The following LRRN3 variants were observed in gnomAD, a reference collection of about 807,000 sequenced individuals.
The protein encoded by LRRN3 is leucine rich repeat neuronal 3, also known as leucine-rich repeat neuronal protein 3.
A neutral mutation model predicts 40.1 loss-of-function variants in LRRN3; 15 were observed. The ratio of observed to expected loss-of-function variants is 0.37; its 90% CI spans 0.25 to 0.58. The LOEUF is 0.58. Ranked by LOEUF, LRRN3 falls within the 20% of genes least tolerant of loss-of-function variation. The pLI, the probability that LRRN3 is intolerant of heterozygous loss-of-function variation, is 0.72. For missense variants in LRRN3, 746 were observed against 837.7 expected, an observed-to-expected ratio of 0.89 and a Z score of 1.35; for synonymous variants, 308 against 297.2, an observed-to-expected ratio of 1.04 and a Z score of -0.37.
Position 111,122,943 on chromosome 7 carries a change from T to C in LRRN3, c.171T>C (p.Asp57=). ...AAGCATCTACAGTGGATTGTAATGATTTAGGTCTTTTAACTTTCCCAGCCA... is the reference window on the plus strand; with the variant it reads ...AAGCATCTACAGTGGATTGTAATGACTTAGGTCTTTTAACTTTCCCAGCCA... ...YMEASTVDCN[D]LGLLTFPARL... The change falls in exon 3 of 3, where the codon GAT becomes GAC. Residue 57 remains aspartate (D), a synonymous_variant. Coordinates refer to ENST00000308478, the MANE Select transcript of LRRN3 (RefSeq NM_001099658.2). 6.2e-7 allele frequency: 1 copy of C among 1,614,022 alleles called. No homozygotes were observed. Among genetic ancestry groups the C allele is most frequent in the Non-Finnish European group, 8.5e-7 (1 of 1,179,956 alleles).
At position 111,123,226 on chromosome 7, in the gene LRRN3, C is replaced by G. The variant is rs1434236178; in HGVS notation, c.454C>G (p.Leu152Val). The change falls in exon 3 of 3, where the codon CTT becomes GTT. Residue 152 changes from leucine (L) to valine (V), a missense_variant. Coordinates refer to ENST00000308478, the MANE Select transcript of LRRN3 (RefSeq NM_001099658.2). This position sits in a 1 kb window ranked among gnomAD's most constrained non-coding sequence, Gnocchi z 6.4. ...LQELYINHNLLSTISPGAFIG... is the reference protein window; with the variant it reads ...LQELYINHNLVSTISPGAFIG... ...AGAACTCTATATTAATCACAACTTG[C>G]TTTCTACAATTTCACCTGGAGCCTT... 6.2e-7 allele frequency: 1 copy of G among 1,613,756 alleles called. No homozygotes were observed. Among genetic ancestry groups the G allele is most frequent in the Non-Finnish European group, 8.5e-7 (1 of 1,179,926 alleles).
intron 1 of LRRN3, among the ~76,000 whole-genome samples, chr7:111,091,890 G>T (rs1181675439): frequency 1.3e-5 from 2 of 151,984 alleles, no homozygotes; most frequent in African/African-American, 4.8e-5. Context: ...AGACAGAGAG[G>T]AGAGGAGAGT....
In LRRN3 at chr7:111,112,108, C is replaced by T. The variant is rs751896336; in HGVS notation, c.-358-10307C>T. ...GTTTACAGGCGCATGCCACCACACCCGGCTAATTTTTGTATTTTTAGTAGA... is the reference window on the plus strand; with the variant it reads ...GTTTACAGGCGCATGCCACCACACCTGGCTAATTTTTGTATTTTTAGTAGA... On this transcript the variant is annotated intron_variant, in intron 2 of 2. Transcript: ENST00000308478. 5.9e-4 allele frequency among the ~76,000 whole-genome samples: 89 copies of T among 151,478 alleles called. 1 individual carries two copies. Among genetic ancestry groups the T allele is most frequent in the Non-Finnish European group, 9.0e-4 (61 of 67,830 alleles).
chr7:111,123,158 C>A lies in LRRN3; in HGVS notation c.386C>A (p.Thr129Asn). Residue 129 changes from threonine to asparagine, a missense_variant, in exon 3 of 3, where the codon ACT (threonine) becomes AAT (asparagine). By Grantham distance (65) the Thr-to-Asn change is moderately conservative. Transcript: ENST00000308478. The surrounding 1 kb of genome is among the most constrained non-coding windows in gnomAD (Gnocchi z 6.4). ...GTGTACCTAGAGGAAAACAAACTTA[C>A]TGAACTGCCTGAAAAATGTCTGTCC... is the stretch of plus-strand genomic sequence containing the variant. ...LSVYLEENKL[T>N]ELPEKCLSEL... The A allele has an allele frequency of 6.2e-7, 1 of 1,613,970 alleles. No individual in the cohort carries two copies. The highest frequency in any genetic ancestry group is 8.5e-7 in the Non-Finnish European group (1 of 1,179,962).
chr7:111,123,445 A>G lies in LRRN3; in HGVS notation c.673A>G (p.Thr225Ala), dbSNP rs1172444234. The change falls in exon 3 of 3, where the codon ACA (threonine) becomes GCA (alanine). Residue 225 changes from threonine to alanine, a missense_variant. By Grantham distance (58) the Thr-to-Ala change is moderately conservative (BLOSUM62 0). Coordinates refer to ENST00000308478, the MANE Select transcript of LRRN3 (RefSeq NM_001099658.2). This position sits in a 1 kb window ranked among gnomAD's most constrained non-coding sequence, Gnocchi z 6.4. Reference protein sequence around the residue: ...RSLVIAGINLTEIPDNALVGL... With the variant: ...RSLVIAGINLAEIPDNALVGL... ...CCTGGTTATAGCTGGTATAAACCTC[A>G]CAGAAATACCAGATAACGCCTTGGT... 5 of 1,613,540 alleles carry G rather than the reference A, an allele frequency of 3.1e-6. No homozygotes were observed. The highest frequency in any genetic ancestry group is 2.2e-5 in the South Asian group (2 of 90,958).
Position 111,109,192 on chromosome 7 carries a change from T to A in LRRN3, c.-359+9230T>A, listed in dbSNP as rs554563556. Among the ~76,000 whole-genome samples, 20 of 152,090 alleles carry A rather than the reference T, an allele frequency of 1.3e-4. No homozygotes were observed. The South Asian group carries it at 4.2e-3, about 32-fold the overall frequency. On this transcript the variant is annotated intron_variant, in intron 2 of 2. Coordinates refer to ENST00000308478, the MANE Select transcript of LRRN3 (RefSeq NM_001099658.2). ...CAAACATCTAGAATGTGTAAAACATTTTCAGTACAATTTAACATGTTCATT... is the reference window on the plus strand; with the variant it reads ...CAAACATCTAGAATGTGTAAAACATATTCAGTACAATTTAACATGTTCATT...
chr7:111,104,282 CCTCT>C (rs1369298787), intron 2 of LRRN3, among the ~76,000 whole-genome samples: 6 of 151,798 alleles, frequency 4.0e-5, no homozygotes, highest in African/African-American at 1.4e-4. Flanking sequence ...TCTCCCACTC[CCTCT>C]GTGTCCCAAT....
intron 1 of LRRN3, among the ~76,000 whole-genome samples, chr7:111,092,089 A>G (rs1796930954): frequency 6.6e-6 from 1 of 152,208 alleles, no homozygotes; most frequent in Non-Finnish European, 1.5e-5. Context: ...GAGTAGCAGA[A>G]TGAGCATATC....
chr7:111,095,339 T>C (rs1797292902), intron 1 of LRRN3, among the ~76,000 whole-genome samples: 1 of 151,954 alleles, frequency 6.6e-6, no homozygotes, highest in South Asian at 2.1e-4. Flanking sequence ...CCCCTTACAA[T>C]ACTTCCTCCA....
Position 111,123,064 on chromosome 7 carries a change from G to C in LRRN3, c.292G>C (p.Asp98His), listed in dbSNP as rs371746004. 6.2e-7 allele frequency: 1 copy of C among 1,613,590 alleles called. No individual in the cohort carries two copies. The highest frequency in any genetic ancestry group is 8.5e-7 in the Non-Finnish European group (1 of 1,179,940). Residue 98 changes from aspartate (D) to histidine (H), a missense_variant, in exon 3 of 3, where the codon GAT becomes CAT. By Grantham distance (81) the Asp-to-His change is moderately conservative (BLOSUM62 -1). Transcript: ENST00000308478. This position sits in a 1 kb window ranked among gnomAD's most constrained non-coding sequence, Gnocchi z 6.4. ...TDFPVNLTGL[D>H]LSQNNLSSVT... ...CTTTCCAGTAAACCTTACTGGCCTG[G>C]ATTTATCTCAAAACAATTTATCTTC...
At chr7:111,093,787 C>A (rs975679624) in intron 1 of LRRN3, among the ~76,000 whole-genome samples, 1 of 152,094 alleles carries the variant, frequency 6.6e-6, no homozygotes, top group Admixed American at 6.6e-5. Context: ...TTGTGTATGA[C>A]TGGAAGATTT....
At chr7:111,115,518 C>A (rs556563231) in intron 2 of LRRN3, among the ~76,000 whole-genome samples, 6 of 152,078 alleles carry the variant, frequency 3.9e-5, no homozygotes, top group African/African-American at 1.2e-4. Flanking sequence ...TTTCATCCCC[C>A]CCTCTGTAAA....
At position 111,123,621 on chromosome 7, in the gene LRRN3, G is replaced by T. The variant is rs1459160334; in HGVS notation, c.849G>T (p.Met283Ile). 6.2e-7 allele frequency: 1 copy of T among 1,613,576 alleles called. No individual in the cohort carries two copies. The highest frequency in any genetic ancestry group is 8.5e-7 in the Non-Finnish European group (1 of 1,179,806). ...TACGAAGGGGTGATTTTAGCAATATGCTACACTTAAAAGAGTTGGGGATAA... is the reference window on the plus strand; with the variant it reads ...TACGAAGGGGTGATTTTAGCAATATTCTACACTTAAAAGAGTTGGGGATAA... ...NRIRRGDFSN[M>I]LHLKELGINN... The change falls in exon 3 of 3, where the codon ATG becomes ATT. Residue 283 changes from methionine (M) to isoleucine (I), a missense_variant. Met to Ile is a conservative substitution (Grantham distance 10). Coordinates refer to ENST00000308478, the MANE Select transcript of LRRN3 (RefSeq NM_001099658.2). This position sits in a 1 kb window ranked among gnomAD's most constrained non-coding sequence, Gnocchi z 6.4.
intron 1 of LRRN3, chr7:111,096,956 T>C (rs1797464943): frequency 6.6e-6 from 1 of 151,894 alleles, no homozygotes; most frequent in Non-Finnish European, 1.5e-5. Flanking sequence ...AAAAGTAATA[T>C]AGACCTTAAA....
chr7:111,121,779 G>T (rs952594400), intron 2 of LRRN3, among the ~76,000 whole-genome samples: 2 of 152,108 alleles, frequency 1.3e-5, no homozygotes, highest in Non-Finnish European at 2.9e-5. Context: ...ACATGCACAC[G>T]TATGTTTATT....
chr7:111,109,823 T>C (rs1798983206), intron 2 of LRRN3, among the ~76,000 whole-genome samples: 1 of 152,122 alleles, frequency 6.6e-6, no homozygotes, highest in African/African-American at 2.4e-5. Flanking sequence ...AAACTGAAGT[T>C]AATGGAAAGG....
chr7:111,119,430 T>C (rs1024206321), intron 2 of LRRN3, among the ~76,000 whole-genome samples: 1 of 152,182 alleles, frequency 6.6e-6, no homozygotes, highest in Non-Finnish European at 1.5e-5. Context: ...AACCCAGTAA[T>C]TGGCATGTAG....
At position 111,123,789 on chromosome 7, in the gene LRRN3, C is replaced by G; in HGVS notation, c.1017C>G (p.Leu339=). The change falls in exon 3 of 3, where the codon CTC becomes CTG. Residue 339 remains leucine (L), a synonymous_variant. Coordinates refer to ENST00000308478, the MANE Select transcript of LRRN3 (RefSeq NM_001099658.2). The surrounding 1 kb of genome is among the most constrained non-coding windows in gnomAD (Gnocchi z 6.4). The part of the protein sequence containing the change: ...AFFRLPKLES[L]MLNSNALSAL... ...TCAGACTCCCCAAGCTGGAATCACT[C>G]ATGCTGAACAGCAATGCTCTCAGTG... 1 of 1,614,034 alleles carries G rather than the reference C, an allele frequency of 6.2e-7. No homozygotes were observed. Among genetic ancestry groups the G allele is most frequent in the Non-Finnish European group, 8.5e-7 (1 of 1,179,972 alleles).
intron 2 of LRRN3, among the ~76,000 whole-genome samples, chr7:111,104,869 G>C (rs1798371580): frequency 6.6e-6 from 1 of 151,636 alleles, no homozygotes; most frequent in African/African-American, 2.4e-5. Flanking sequence ...TAGAACAGTG[G>C]GGAAGACAGA....
Sources: allele counts gnomAD v4.1 joint callset (sites outside exome capture counted in the v4.1 genomes callset), GRCh38; gene constraint gnomAD v4.1.1; non-coding constraint Gnocchi (gnomAD v3.1); transcripts MANE v1.5; gene names NCBI Gene and HGNC (gene_info 2026-07-23, HGNC 2026-07-21).